The following EIF4E variants were observed in gnomAD, a reference collection of about 807,000 sequenced individuals.
The protein encoded by EIF4E is eIF-4F 25 kDa subunit.
For synonymous variants in EIF4E, 71 were observed against 88.5 expected (o/e 0.80, Z 1.11); for missense variants, 113 against 265.6 (o/e 0.43, Z 3.99).
intron 1 of EIF4E, among the ~76,000 whole-genome samples, chr4:98,923,296 A>G (rs1223628020): frequency 5.3e-5 from 8 of 149,912 alleles, no homozygotes; most frequent in Admixed American, 2.7e-4. Context: ...ACACACACAC[A>G]CACGCAAAAT....
chr4:98,917,045 T>C (rs978878268), intron 1 of EIF4E, among the ~76,000 whole-genome samples: 1 of 151,474 alleles, frequency 6.6e-6, no homozygotes, highest in African/African-American at 2.4e-5. Context: ...ATGGCTGCTA[T>C]GATTAAAATG....
At position 98,911,661 on chromosome 4, in the gene EIF4E, CAAAAAAA is replaced by C. The variant is rs767631331; in HGVS notation, c.19-9686_19-9680del. ...GGGCAACAAGAGCGAAACTCTGTCT[CAAAAAAA>C]AAAAAAAAAAAAAAAAAAGAAGACT... On this transcript the variant is annotated intron_variant, in intron 1 of 6. Transcript: ENST00000450253. 3.8e-4 allele frequency among the ~76,000 whole-genome samples: 23 copies of C among 60,048 alleles called. No individual in the cohort carries two copies. The South Asian group carries it at 3.9e-3, about 10-fold the overall frequency. 39.4% of individuals were successfully genotyped at this position (60,048 alleles called of 152,430 possible).
At chr4:98,883,304 A>G (rs1359737884) in intron 6 of EIF4E, among the ~76,000 whole-genome samples, 1 of 152,208 alleles carries the variant, frequency 6.6e-6, no homozygotes, top group Non-Finnish European at 1.5e-5. Context: ...AGAAAAATTA[A>G]TAATATTTGA....
chr4:98,915,545 C>CTTTT (rs879404692), intron 1 of EIF4E, among the ~76,000 whole-genome samples: 2 of 144,436 alleles, frequency 1.4e-5, no homozygotes, highest in African/African-American at 5.1e-5. Flanking sequence ...TTGTAAATTA[C>CTTTT]TTTTTTTTTT....
At chr4:98,891,216 C>T (rs1188005230) in intron 3 of EIF4E, 21 bp downstream of exon 3, 1 of 1,612,928 alleles carries the variant, frequency 6.2e-7, no homozygotes, top group South Asian at 1.1e-5. Flanking sequence ...AACAAACATA[C>T]TAAAACAAAT....
chr4:98,923,470 A>T (rs1202707715), intron 1 of EIF4E, among the ~76,000 whole-genome samples: 1 of 151,786 alleles, frequency 6.6e-6, no homozygotes, highest in African/African-American at 2.4e-5. Flanking sequence ...GCACCACCAT[A>T]TTCAGCTAAT....
At chr4:98,924,337 A>ACCTC (rs1437668566) in intron 1 of EIF4E, among the ~76,000 whole-genome samples, 3 of 152,122 alleles carry the variant, frequency 2.0e-5, no homozygotes, top group Non-Finnish European at 4.4e-5. Flanking sequence ...TCGGCCTCCC[A>ACCTC]AAGTGCTGGG....
chr4:98,923,723 T>C (rs778081135), intron 1 of EIF4E, among the ~76,000 whole-genome samples: 1 of 152,204 alleles, frequency 6.6e-6, no homozygotes, highest in Non-Finnish European at 1.5e-5. Context: ...AGGCTTTGCA[T>C]TTCTTGCTAA....
rs1266612859 is a variant in EIF4E, at chr4:98,879,682, C to A, written c.*1346G>T. ...CTTTCCCTACACTATCATTTTGACA[C>A]TTAACATAGAAACAACTCAATTCAG... On this transcript the variant is annotated 3_prime_UTR_variant, in exon 7 of 7. Transcript: ENST00000450253. The A allele has an allele frequency of 1.3e-5, 2 of 152,124 alleles. No homozygotes were observed. The highest frequency in any genetic ancestry group is 2.4e-5 in the African/African-American group (1 of 41,448). The allele number at this position is 152,124 out of a possible 1,614,324, so 9.4% of individuals were successfully genotyped here.
At chr4:98,916,981 G>A (rs960359212) in intron 1 of EIF4E, among the ~76,000 whole-genome samples, 4 of 151,988 alleles carry the variant, frequency 2.6e-5, no homozygotes, top group Non-Finnish European at 5.9e-5. Context: ...AAGGGCAGCA[G>A]TCCAGATTGG....
At chr4:98,902,708 C>T (rs751746049) in intron 1 of EIF4E, among the ~76,000 whole-genome samples, 2 of 152,102 alleles carry the variant, frequency 1.3e-5, no homozygotes, top group Admixed American at 1.3e-4. Flanking sequence ...AGTATAACAA[C>T]TGTATCACTG....
intron 2 of EIF4E, among the ~76,000 whole-genome samples, chr4:98,893,165 C>G (rs567467893): frequency 3.1e-4 from 47 of 152,238 alleles, no homozygotes; most frequent in African/African-American, 9.6e-4. Flanking sequence ...AATGTACATA[C>G]CTTAATTAAA....
intron 3 of EIF4E, 55 bp from the exon 4 acceptor site, chr4:98,888,007 G>A (rs896672054): frequency 2.1e-6 from 3 of 1,399,644 alleles, no homozygotes; most frequent in East Asian, 4.7e-5. Context: ...TAGAGTTTAG[G>A]TGCTTACATA....
intron 1 of EIF4E, chr4:98,926,347 AG>A (rs1484936767): frequency 1.3e-5 from 2 of 152,110 alleles, no homozygotes; most frequent in Non-Finnish European, 1.5e-5. Context: ...GTTGAAGACC[AG>A]CCTGACCAAC....
rs1723664561 is a variant in EIF4E, at chr4:98,880,945, G to A, written c.*83C>T. The A allele has an allele frequency of 1.9e-6, 3 of 1,540,162 alleles. No individual in the cohort carries two copies. Among genetic ancestry groups the A allele is most frequent in the Non-Finnish European group, 2.6e-6 (3 of 1,139,572 alleles). On this transcript the variant is annotated 3_prime_UTR_variant, in exon 7 of 7. Coordinates refer to ENST00000450253, the MANE Select transcript of EIF4E (RefSeq NM_001968.5). ...ATCAAATTTAAATGCAGTCCACTCT[G>A]CTTTTTGAAGAGGCTTTGGTTCAGC...
chr4:98,881,672 G>T (rs1723696880), intron 6 of EIF4E, among the ~76,000 whole-genome samples: 1 of 152,122 alleles, frequency 6.6e-6, no homozygotes, highest in South Asian at 2.1e-4. Flanking sequence ...AACCATACCT[G>T]TTATAAGACT....
intron 2 of EIF4E, among the ~76,000 whole-genome samples, chr4:98,895,994 G>A (rs1433150388): frequency 3.8e-5 from 5 of 130,458 alleles, no homozygotes; most frequent in South Asian, 4.7e-4. Flanking sequence ...TCAAGAGATC[G>A]AGACCATCCT....
At chr4:98,888,068 T>C (rs1723997310) in intron 3 of EIF4E, 116 bp from the exon 4 acceptor site, 7 of 914,690 alleles carry the variant, frequency 7.7e-6, no homozygotes, top group African/African-American at 1.7e-5. Context: ...AGTTCATGTT[T>C]ACTTGTTTCT....
chr4:98,881,218 G>C, intron 6 of EIF4E, 76 bp from the exon 7 acceptor site: 2 of 1,535,810 alleles, frequency 1.3e-6, no homozygotes, highest in Non-Finnish European at 1.8e-6. Context: ...TAAAAATTTA[G>C]GGTTATTAGT....
Sources: allele counts gnomAD v4.1 joint callset (sites outside exome capture counted in the v4.1 genomes callset), GRCh38; gene constraint gnomAD v4.1.1; transcripts MANE v1.5; gene names NCBI Gene and HGNC (gene_info 2026-07-23, HGNC 2026-07-21).